SLC14A2: variants seen among roughly 807,000 people sequenced by gnomAD.
SLC14A2 encodes the protein urea transporter 2.
SLC14A2 carries 91 observed loss-of-function variants against 104.6 expected under a neutral mutation model. The ratio of observed to expected loss-of-function variants is 0.87; its 90% CI spans 0.73 to 1.04. The LOEUF (loss-of-function observed/expected upper bound fraction) is 1.04, where lower values mean the gene tolerates loss of function less well. Among genes scored for constraint, SLC14A2 ranks in the 50% least tolerant of loss-of-function variants. SLC14A2 has a pLI of 0.00. For synonymous variants in SLC14A2, 476 were observed against 466.4 expected (o/e 1.02, Z -0.27); for missense variants, 1,189 against 1,156.0 (o/e 1.03, Z -0.41).
intron 2 of SLC14A2, among the ~76,000 whole-genome samples, chr18:45,547,090 AG>A (rs2043982869): frequency 6.6e-6 from 1 of 152,212 alleles, no homozygotes; most frequent in Non-Finnish European, 1.5e-5. Flanking sequence ...CAGACGGTCC[AG>A]AGCTCCTTCA....
chr18:45,469,837 G>A (rs2087213293), intron 1 of SLC14A2, among the ~76,000 whole-genome samples: 1 of 152,170 alleles, frequency 6.6e-6, no homozygotes, highest in South Asian at 2.1e-4. Context: ...AAGAGTGGGA[G>A]AACACTAGAG....
intron 1 of SLC14A2, among the ~76,000 whole-genome samples, chr18:45,352,079 G>T (rs1598710254): frequency 6.6e-6 from 1 of 152,010 alleles, no homozygotes. Context: ...GTGGGGGCTT[G>T]CTGCACTGGA....
rs67864793 is a variant in SLC14A2, at chr18:45,250,755, C to CTTTTTTTTTTTTTTTTTTTTT, written c.-125+37565_-125+37585dup. ...GAATCCTCTGGCTAGTGGCTTCTTC[C>CTTTTTTTTTTTTTTTTTTTTT]TTTTTTTTTTTTTTTTTTTTTGGCT... On this transcript the variant is annotated intron_variant, in intron 1 of 20. Transcript: ENST00000586448. Among the ~76,000 whole-genome samples the CTTTTTTTTTTTTTTTTTTTTT allele has an allele frequency of 3.3e-4, 31 of 93,884 alleles. 2 individuals carry two copies. The highest frequency in any genetic ancestry group is 1.3e-3 in the African/African-American group (30 of 22,932). 61.6% of individuals were successfully genotyped at this position (93,884 alleles called of 152,430 possible).
At chr18:45,535,866 T>G (rs1164211182) in intron 2 of SLC14A2, among the ~76,000 whole-genome samples, 1 of 152,202 alleles carries the variant, frequency 6.6e-6, no homozygotes, top group East Asian at 1.9e-4. Flanking sequence ...TAGTTGGACT[T>G]GGAACTATAG....
chr18:45,431,098 T>C (rs1310173522), intron 1 of SLC14A2, among the ~76,000 whole-genome samples: 2 of 152,204 alleles, frequency 1.3e-5, no homozygotes, highest in African/African-American at 4.8e-5. Flanking sequence ...AATCATAGAA[T>C]GTCTCATTTG....
intron 1 of SLC14A2, among the ~76,000 whole-genome samples, chr18:45,396,972 C>A (rs1446223632): frequency 6.6e-6 from 1 of 152,122 alleles, no homozygotes; most frequent in East Asian, 1.9e-4. Context: ...CCAGCTCCAC[C>A]CATGTTTCCA....
intron 1 of SLC14A2, among the ~76,000 whole-genome samples, chr18:45,254,304 T>C (rs1243881804): frequency 6.6e-6 from 1 of 152,210 alleles, no homozygotes; most frequent in Non-Finnish European, 1.5e-5. Context: ...CCTGGCACCC[T>C]GGGGAGAGAC....
In SLC14A2 at chr18:45,635,036, A is replaced by G. The variant is rs185137088; in HGVS notation, c.651-1954A>G. 1,683 of 212,548 alleles carry G rather than the reference A, an allele frequency of 7.9e-3. 72 individuals carry two copies. The Admixed American group carries it at 0.087, about 11-fold the overall frequency. 13.2% of individuals were successfully genotyped at this position (212,548 alleles called of 1,614,324 possible). ...GAGGTTGTGGAAAACCAAGGAGAGG[A>G]AAAAAAAAAAGAAAATTGAATACAC... On this transcript the variant is annotated intron_variant, in intron 5 of 19. Coordinates refer to ENST00000255226, the MANE Select transcript of SLC14A2 (RefSeq NM_007163.4).
At chr18:45,407,788 G>A (rs915038010) in intron 1 of SLC14A2, among the ~76,000 whole-genome samples, 50 of 152,196 alleles carry the variant, frequency 3.3e-4, no homozygotes, top group African/African-American at 1.2e-3. Context: ...CATCAGTGGA[G>A]CAGCCAGAAC....
intron 1 of SLC14A2, among the ~76,000 whole-genome samples, chr18:45,292,590 G>T (rs2084880689): frequency 6.6e-6 from 1 of 152,174 alleles, no homozygotes; most frequent in South Asian, 2.1e-4. Flanking sequence ...CAGACCAGAT[G>T]AATCTCCATT....
chr18:45,663,767 T>G lies in SLC14A2; in HGVS notation c.1352-18T>G. 2.5e-6 allele frequency: 4 copies of G among 1,610,360 alleles called. No homozygotes were observed. Among genetic ancestry groups the G allele is most frequent in the Non-Finnish European group, 3.4e-6 (4 of 1,178,902 alleles). The stretch of plus-strand genomic sequence containing the variant: ...GACTAGGTGGGACACTGACCTGTCT[T>G]GTTTTGCCCCTGGCTAGGAGGCGGT... On this transcript the variant is annotated intron_variant, in intron 10 of 19. Transcript: ENST00000255226.
intron 1 of SLC14A2, among the ~76,000 whole-genome samples, chr18:45,283,238 C>A (rs2084780919): frequency 6.7e-6 from 1 of 149,516 alleles, no homozygotes; most frequent in Non-Finnish European, 1.5e-5. Flanking sequence ...GTCGAGTCTC[C>A]TAATTGATAA....
At chr18:45,260,991 T>C (rs1340181086) in intron 1 of SLC14A2, among the ~76,000 whole-genome samples, 1 of 152,016 alleles carries the variant, frequency 6.6e-6, no homozygotes, top group Non-Finnish European at 1.5e-5. Context: ...GAATCCAAAA[T>C]AAATTTTATT....
intron 2 of SLC14A2, among the ~76,000 whole-genome samples, chr18:45,609,617 T>C (rs1697838347): frequency 6.6e-6 from 1 of 152,218 alleles, no homozygotes; most frequent in South Asian, 2.1e-4. Context: ...AGAGGGCCCA[T>C]GCTTCTGTTC....
chr18:45,672,394 C>T (rs1204478578), intron 16 of SLC14A2, among the ~76,000 whole-genome samples: 3 of 151,944 alleles, frequency 2.0e-5, no homozygotes, highest in East Asian at 1.9e-4. Flanking sequence ...CCAGGCATGG[C>T]GGCATATGCC....
At chr18:45,254,597 T>C (rs924665532) in intron 1 of SLC14A2, among the ~76,000 whole-genome samples, 4 of 152,244 alleles carry the variant, frequency 2.6e-5, no homozygotes, top group Admixed American at 2.0e-4. Flanking sequence ...TGCAGGCAGC[T>C]GACTGGATTT....
intron 1 of SLC14A2, among the ~76,000 whole-genome samples, chr18:45,271,498 A>G (rs2084650262): frequency 6.6e-6 from 1 of 152,184 alleles, no homozygotes; most frequent in South Asian, 2.1e-4. Context: ...AAAACATGCA[A>G]TGATAAAATG....
At chr18:45,179,347 C>T in the SLC14A2 span, among the ~76,000 whole-genome samples, 396 of 152,314 alleles carry the variant, frequency 2.6e-3, no homozygotes, top group African/African-American at 9.1e-3. Flanking sequence ...CAGCCCATTT[C>T]TCTCCTCTCT....
At chr18:45,256,476 T>G (rs1019318774) in intron 1 of SLC14A2, among the ~76,000 whole-genome samples, 7 of 152,264 alleles carry the variant, frequency 4.6e-5, no homozygotes, top group African/African-American at 7.2e-5. Context: ...AATGGCCTTC[T>G]GTGTCCTGCC....
Sources: allele counts gnomAD v4.1 joint callset (sites outside exome capture counted in the v4.1 genomes callset), GRCh38; gene constraint gnomAD v4.1.1; transcripts MANE v1.5; gene names NCBI Gene and HGNC (gene_info 2026-07-23, HGNC 2026-07-21).